APBA1: variants seen among roughly 807,000 people sequenced by gnomAD.
APBA1 encodes amyloid-beta A4 precursor protein-binding family A member 1.
In APBA1, 55 loss-of-function variants were observed where a neutral mutation model predicts 86.6. That is an observed-to-expected ratio of 0.64 (90% CI 0.51 to 0.80). The LOEUF (loss-of-function observed/expected upper bound fraction) is 0.80, where lower values mean the gene tolerates loss of function less well. APBA1 is among the 30% of genes least tolerant of loss of function. The pLI is 0.00. For synonymous variants in APBA1, 511 were observed against 493.9 expected (o/e 1.03, Z -0.46); for missense variants, 1,090 against 1,183.0 (o/e 0.92, Z 1.15).
chr9:69,458,037 A>C, intron 6 of APBA1, 119 bp downstream of exon 6: 4 of 1,092,166 alleles, frequency 3.7e-6, no homozygotes, highest in Non-Finnish European at 3.9e-6. Flanking sequence ...TCAAAAAGAA[A>C]TCTGAACAAA....
intron 1 of APBA1, among the ~76,000 whole-genome samples, chr9:69,560,263 T>A (rs1836928397): frequency 6.6e-6 from 1 of 152,226 alleles, no homozygotes; most frequent in Non-Finnish European, 1.5e-5. Context: ...TATGACTTTT[T>A]AAAAAGTATA....
rs1564105067 is a variant in APBA1, at chr9:69,658,310, CTTTCTTTCTTTCTTTCTTTCTT to C, written c.-70+13821_-70+13842del. Among the ~76,000 whole-genome samples, 368 of 61,890 alleles carry C rather than the reference CTTTCTTTCTTTCTTTCTTTCTT, an allele frequency of 5.9e-3. 7 individuals carry two copies. Among genetic ancestry groups the C allele is most frequent in the African/African-American group, 0.016 (342 of 20,984 alleles). The allele number at this position is 61,890 out of a possible 152,430, so 40.6% of individuals were successfully genotyped here. A position where few individuals can be genotyped will look rare whatever the true frequency, so the allele number is the denominator to read the frequency against. ...TCTCTCTCTTTCTCTCTCTCTCTTT[CTTTCTTTCTTTCTTTCTTTCTT>C]TCTTTCTTTCTTTCTTTCTTTCTTT... On this transcript the variant is annotated intron_variant, in intron 1 of 12. Coordinates refer to ENST00000265381, the MANE Select transcript of APBA1 (RefSeq NM_001163.4).
At chr9:69,449,455 T>G in intron 10 of APBA1, 129 bp downstream of exon 10, 1 of 846,598 alleles carries the variant, frequency 1.2e-6, no homozygotes. Flanking sequence ...GTCCACGCCT[T>G]TTGTGTTTGT....
chr9:69,649,039 A>G (rs1165496137), intron 1 of APBA1, among the ~76,000 whole-genome samples: 1 of 152,106 alleles, frequency 6.6e-6, no homozygotes, highest in Non-Finnish European at 1.5e-5. Flanking sequence ...CTCACCTCCC[A>G]TATCCAACCT....
chr9:69,598,691 A>C (rs1038681042), intron 1 of APBA1, among the ~76,000 whole-genome samples: 8 of 152,170 alleles, frequency 5.3e-5, no homozygotes, highest in Admixed American at 5.2e-4. Flanking sequence ...AGGGCCTACA[A>C]GAGGACAAGG....
intron 1 of APBA1, among the ~76,000 whole-genome samples, chr9:69,535,307 C>T (rs1836491638): frequency 6.6e-6 from 1 of 152,170 alleles, no homozygotes; most frequent in Non-Finnish European, 1.5e-5. Context: ...AGCTGATGCT[C>T]CTGCAGCTGG....
intron 2 of APBA1, among the ~76,000 whole-genome samples, chr9:69,489,922 C>T (rs1835675958): frequency 1.3e-5 from 2 of 152,124 alleles, no homozygotes; most frequent in South Asian, 4.1e-4. Flanking sequence ...TGTGGCGATT[C>T]CTCAGGGATC....
intron 11 of APBA1, among the ~76,000 whole-genome samples, chr9:69,434,250 A>C (rs1016865716): frequency 3.9e-5 from 6 of 152,124 alleles, no homozygotes; most frequent in Non-Finnish European, 5.9e-5. Flanking sequence ...GGTGCATCCC[A>C]AACTCTCAAG....
chr9:69,455,887 CT>C (rs900079628), intron 8 of APBA1, among the ~76,000 whole-genome samples: 3 of 152,148 alleles, frequency 2.0e-5, no homozygotes, highest in Admixed American at 1.3e-4. Context: ...CTCTTTCTCA[CT>C]TTATTCAGGT....
chr9:69,527,247 GA>G (rs1181490959), intron 1 of APBA1, among the ~76,000 whole-genome samples: 9 of 151,816 alleles, frequency 5.9e-5, no homozygotes, highest in Non-Finnish European at 7.4e-5. Context: ...AAAAAATTGT[GA>G]AAAAAATGTT....
At chr9:69,667,026 G>A (rs754052693) in intron 1 of APBA1, among the ~76,000 whole-genome samples, 8 of 152,024 alleles carry the variant, frequency 5.3e-5, no homozygotes, top group African/African-American at 7.3e-5. Flanking sequence ...TTACATGTAC[G>A]TCACTGTAAA....
intron 1 of APBA1, among the ~76,000 whole-genome samples, chr9:69,645,467 A>T (rs117531415): frequency 0.011 from 1,639 of 152,274 alleles, 20 homozygotes; most frequent in Admixed American, 0.017. Context: ...CAAGTTCACC[A>T]CTTTGTGAGT....
intron 1 of APBA1, among the ~76,000 whole-genome samples, chr9:69,590,604 C>G (rs574614501): frequency 6.6e-6 from 1 of 152,320 alleles, no homozygotes; most frequent in South Asian, 2.1e-4. Context: ...ATTCTCCAAT[C>G]TGACAAAATC....
intron 5 of APBA1, among the ~76,000 whole-genome samples, chr9:69,466,498 G>C (rs1055095167): frequency 6.6e-6 from 1 of 152,120 alleles, no homozygotes; most frequent in Non-Finnish European, 1.5e-5. Context: ...AGAGGTGTTC[G>C]CATCTGCAGG....
At chr9:69,623,001 T>C (rs1219398458) in intron 1 of APBA1, among the ~76,000 whole-genome samples, 2 of 152,176 alleles carry the variant, frequency 1.3e-5, no homozygotes, top group Non-Finnish European at 2.9e-5. Context: ...GTGTCCACAC[T>C]CTTGGCAGAG....
chr9:69,672,018 T>G (rs1421849016), intron 1 of APBA1, 135 bp downstream of exon 1: 1 of 153,032 alleles, frequency 6.5e-6, no homozygotes, highest in Admixed American at 6.5e-5. Context: ...GCCTGCTGCC[T>G]CCGCTCCTCC....
At chr9:69,467,762 T>C (rs1209241336) in intron 5 of APBA1, 61 bp downstream of exon 5, 25 of 1,600,440 alleles carry the variant, frequency 1.6e-5, no homozygotes, top group East Asian at 4.5e-5. Flanking sequence ...GCCAGTGTTG[T>C]AGACTGCTCC....
intron 1 of APBA1, among the ~76,000 whole-genome samples, chr9:69,669,445 G>C (rs1823905614): frequency 6.6e-6 from 1 of 152,176 alleles, no homozygotes; most frequent in African/African-American, 2.4e-5. Flanking sequence ...TTTAAGTGAA[G>C]GAAAGGCATC....
Position 69,516,278 on chromosome 9 carries a change from G to C in APBA1, c.933C>G (p.Pro311=). 2.0e-6 allele frequency: 3 copies of C among 1,467,566 alleles called. No individual in the cohort carries two copies. The highest frequency in any genetic ancestry group is 2.7e-6 in the Non-Finnish European group (3 of 1,115,128). The allele number at this position is 1,467,566 out of a possible 1,614,324, so 90.9% of individuals were successfully genotyped here. A position where few individuals can be genotyped will look rare whatever the true frequency, so the allele number is the denominator to read the frequency against. ...ERPPTPAGGR[P]DSPGLQAPAG... is the part of the protein sequence containing the mutation. ...CCGGCGCCTGCAGCCCGGGGCTGTC[G>C]GGGCGACCCCCGGCCGGGGTAGGGG... The change falls in exon 2 of 13, where the codon CCC becomes CCG. Residue 311 remains proline (P), a synonymous_variant. Transcript: ENST00000265381. The surrounding 1 kb of genome is among the most constrained non-coding windows in gnomAD (Gnocchi z 7.3).
Sources: allele counts gnomAD v4.1 joint callset (sites outside exome capture counted in the v4.1 genomes callset), GRCh38; gene constraint gnomAD v4.1.1; non-coding constraint Gnocchi (gnomAD v3.1); transcripts MANE v1.5; gene names NCBI Gene and HGNC (gene_info 2026-07-23, HGNC 2026-07-21).